Variants in ITIH2 observed in about 807,000 individuals in gnomAD.
ITIH2 encodes inter-alpha-trypsin inhibitor heavy chain 2.
In ITIH2, 103 loss-of-function variants were observed where a neutral mutation model predicts 104.4. The observed-to-expected ratio is 0.99, with a 90% CI of 0.84 to 1.16. The LOEUF is 1.16. Among genes scored for constraint, ITIH2 ranks in the 50% most tolerant of loss-of-function variants. The probability of loss-of-function intolerance (pLI) is 0.00; values close to 1 mark genes in which losing one functional copy is unlikely to be tolerated. For missense variants in ITIH2, 1,108 were observed against 1,162.4 expected, an observed-to-expected ratio of 0.95 and a Z score of 0.68; for synonymous variants, 436 against 435.4, an observed-to-expected ratio of 1.00 and a Z score of -0.02.
intron 14 of ITIH2, 85 bp downstream of exon 14, chr10:7,732,562 T>A: frequency 6.8e-7 from 1 of 1,461,090 alleles, no homozygotes; most frequent in Non-Finnish European, 9.4e-7. Flanking sequence ...ACAAAAAGAG[T>A]TTGGAAGCAA....
intron 5 of ITIH2, among the ~76,000 whole-genome samples, chr10:7,714,732 AAG>A (rs1227905939): frequency 5.3e-5 from 8 of 152,132 alleles, no homozygotes; most frequent in Admixed American, 3.9e-4. Context: ...GCTAATACGG[AAG>A]AGAGGGTACA....
At chr10:7,719,162 T>G (rs549102866) in intron 6 of ITIH2, among the ~76,000 whole-genome samples, 9 of 152,348 alleles carry the variant, frequency 5.9e-5, no homozygotes, top group African/African-American at 2.2e-4. Context: ...GATGAAACTT[T>G]AATTCCCATT....
chr10:7,703,471 C>A lies in ITIH2; in HGVS notation c.37C>A (p.Leu13Ile). ...CACGTGCTTTTTCATCTGCTTCTTTCTTTCTGAAGTATCAGGCTTCGAAAT... is the reference window on the plus strand; with the variant it reads ...CACGTGCTTTTTCATCTGCTTCTTTATTTCTGAAGTATCAGGCTTCGAAAT... ...RLTCFFICFF[L>I]SEVSGFEIPI... The change falls in exon 1 of 21, where the codon CTT becomes ATT. Residue 13 changes from leucine (L) to isoleucine (I), a missense_variant. Leu to Ile is a conservative substitution (Grantham distance 5, BLOSUM62 2). Transcript: ENST00000358415. 6.2e-7 allele frequency: 1 copy of A among 1,614,034 alleles called. No homozygotes were observed. Among genetic ancestry groups the A allele is most frequent in the Non-Finnish European group, 8.5e-7 (1 of 1,179,894 alleles).
intron 16 of ITIH2, 85 bp downstream of exon 16, chr10:7,738,843 C>CG: frequency 1.5e-6 from 2 of 1,359,038 alleles, no homozygotes; most frequent in South Asian, 3.2e-5. Flanking sequence ...CCAGGTGCAG[C>CG]GGCTCACGCC....
chr10:7,717,408 T>A (rs1401397000), intron 5 of ITIH2, among the ~76,000 whole-genome samples: 1 of 152,220 alleles, frequency 6.6e-6, no homozygotes, highest in Non-Finnish European at 1.5e-5. Context: ...TAAGAAGCTC[T>A]GGGAGCTGGA....
At chr10:7,714,840 A>G (rs1191166914) in intron 5 of ITIH2, among the ~76,000 whole-genome samples, 2 of 152,196 alleles carry the variant, frequency 1.3e-5, no homozygotes, top group African/African-American at 4.8e-5. Context: ...GCTGAGCCCA[A>G]GTAGATTACA....
chr10:7,719,124 G>T (rs111956865), intron 6 of ITIH2, among the ~76,000 whole-genome samples: 1 of 152,280 alleles, frequency 6.6e-6, no homozygotes, highest in South Asian at 2.1e-4. Flanking sequence ...CCGGAGACAC[G>T]GGAGATGAAA....
In ITIH2 at chr10:7,744,199, G is replaced by T; in HGVS notation, c.2327G>T (p.Ser776Ile). Residue 776 changes from serine (S) to isoleucine (I), a missense_variant, in exon 18 of 21, where the codon AGC becomes ATC. Transcript: ENST00000358415. ...FQSEDIKIEI[S>I]TETITLSHGS... ...AGTGAAGACATAAAAATAGAAATCAGCACTGAGACCATCACCCTGAGCCAT... is the reference window on the plus strand; with the variant it reads ...AGTGAAGACATAAAAATAGAAATCATCACTGAGACCATCACCCTGAGCCAT... 1 of 1,614,046 alleles carries T rather than the reference G, an allele frequency of 6.2e-7. No individual in the cohort carries two copies.
Position 7,734,951 on chromosome 10 carries a change from G to T in ITIH2, c.1817G>T (p.Arg606Ile). ...RSLAPTAAAK[R>I]RITRSILQMS... The stretch of plus-strand genomic sequence containing the variant: ...CTGGCTCCTACAGCTGCCGCCAAGA[G>T]AAGAATTACAAGATCGATCCTGCAG... The change falls in exon 15 of 21, where the codon AGA becomes ATA. Residue 606 changes from arginine to isoleucine, a missense_variant. By Grantham distance (97) the Arg-to-Ile change is moderately conservative. Coordinates refer to ENST00000358415, the MANE Select transcript of ITIH2 (RefSeq NM_002216.3). 1 of 1,613,408 alleles carries T rather than the reference G, an allele frequency of 6.2e-7. No homozygotes were observed.
At chr10:7,727,905 A>T (rs567805384) in intron 11 of ITIH2, 77 bp downstream of exon 11, 1 of 1,510,572 alleles carries the variant, frequency 6.6e-7, no homozygotes, top group South Asian at 1.2e-5. Context: ...CTAAAAGGGG[A>T]ACTCTAATGG....
rs1236559493 is a variant in ITIH2, at chr10:7,717,747, A to C, written c.589A>C (p.Arg197=). 1.2e-6 allele frequency: 2 copies of C among 1,612,534 alleles called. No individual in the cohort carries two copies. The highest frequency in any genetic ancestry group is 3.3e-5 in the Admixed American group (2 of 59,992). Residue 197 remains arginine, a synonymous_variant, in exon 6 of 21, where the codon AGG becomes CGG. Transcript: ENST00000358415. ...GAGGAAGCTGGGCTCCTATGAGCAC[A>C]GGATCTATCTGCAACCTGGACGGCT... ...KWRKLGSYEH[R]IYLQPGRLAK...
chr10:7,747,657 T>C (rs1460792054), intron 20 of ITIH2, among the ~76,000 whole-genome samples: 2 of 152,108 alleles, frequency 1.3e-5, no homozygotes, highest in Non-Finnish European at 2.9e-5. Context: ...GAGGCCAATG[T>C]GGGAGGATCA....
chr10:7,735,094 C>T lies in ITIH2; in HGVS notation c.1957+3C>T. 1 of 1,602,026 alleles carries T rather than the reference C, an allele frequency of 6.2e-7. No homozygotes were observed. The highest frequency in any genetic ancestry group is 8.5e-7 in the Non-Finnish European group (1 of 1,177,420). On this transcript the variant is annotated splice_donor_region_variant and intron_variant, in intron 15 of 20. Transcript: ENST00000358415. Reference sequence around the variant, plus strand: ...GCAGGATCCCTCCTGCTGCTCAGGTCAGGGCTGCACCTGTGGGGACAAGTG... The same window carrying T: ...GCAGGATCCCTCCTGCTGCTCAGGTTAGGGCTGCACCTGTGGGGACAAGTG...
chr10:7,705,186 T>C lies in ITIH2; in HGVS notation c.159+4T>C. On this transcript the variant is annotated splice_donor_region_variant and intron_variant, in intron 2 of 20. Transcript: ENST00000358415. ...GGCAGAGAACCGGAGATATCAGGTA[T>C]AGTAAGGTTTACTCCCAAAAGGGGG... 1 of 1,599,562 alleles carries C rather than the reference T, an allele frequency of 6.3e-7. No homozygotes were observed. The highest frequency in any genetic ancestry group is 1.1e-5 in the South Asian group (1 of 90,098).
At chr10:7,719,075 C>T (rs573742870) in intron 6 of ITIH2, among the ~76,000 whole-genome samples, 15 of 152,294 alleles carry the variant, frequency 9.8e-5, no homozygotes, top group African/African-American at 2.6e-4. Flanking sequence ...GCCCCTCCCC[C>T]GGCAGATGGG....
intron 15 of ITIH2, among the ~76,000 whole-genome samples, chr10:7,738,199 AAAT>A (rs1250017288): frequency 1.3e-4 from 9 of 67,314 alleles, no homozygotes; most frequent in African/African-American, 4.7e-4. Context: ...ATATTCTATA[AAAT>A]ATTATATATT....
Position 7,749,415 on chromosome 10 carries a change from A to C in ITIH2, c.*81A>C. The C allele has an allele frequency of 8.0e-7, 1 of 1,246,650 alleles. No individual in the cohort carries two copies. Among genetic ancestry groups the C allele is most frequent in the Non-Finnish European group, 1.1e-6 (1 of 888,294 alleles). The allele number at this position is 1,246,650 out of a possible 1,614,324, so 77.2% of individuals were successfully genotyped here. On this transcript the variant is annotated 3_prime_UTR_variant, in exon 21 of 21. Transcript: ENST00000358415. Reference sequence around the variant, plus strand: ...TTGCAGATATTCTTCGGTTTGAATAATTAAAATGAACCAGATATCAGGGTG... The same window carrying C: ...TTGCAGATATTCTTCGGTTTGAATACTTAAAATGAACCAGATATCAGGGTG...
At position 7,727,007 on chromosome 10, in the gene ITIH2, GTGAT is replaced by G. The variant is rs1834957034; in HGVS notation, c.1048_1051del (p.Asp350SerfsTer12). ...CCTCAGAGCAGAAGACCATTTCTCT[GTGAT>G]TGATTTCAACCAGAACATTCGAACT... On this transcript the variant is annotated frameshift_variant, in exon 10 of 21. Coordinates refer to ENST00000358415, the MANE Select transcript of ITIH2 (RefSeq NM_002216.3). LOFTEE classifies it high-confidence loss of function. 2 of 1,613,890 alleles carry G rather than the reference GTGAT, an allele frequency of 1.2e-6. No homozygotes were observed. The highest frequency in any genetic ancestry group is 1.3e-5 in the African/African-American group (1 of 74,916).
At position 7,734,960 on chromosome 10, in the gene ITIH2, C is replaced by T; in HGVS notation, c.1826C>T (p.Thr609Ile). The change falls in exon 15 of 21, where the codon ACA becomes ATA. Residue 609 changes from threonine (T) to isoleucine (I), a missense_variant. By Grantham distance (89) the Thr-to-Ile change is moderately conservative. Transcript: ENST00000358415. ...ACAGCTGCCGCCAAGAGAAGAATTA[C>T]AAGATCGATCCTGCAGATGTCTCTA... ...APTAAAKRRI[T>I]RSILQMSLDH... 1 of 1,613,668 alleles carries T rather than the reference C, an allele frequency of 6.2e-7. No individual in the cohort carries two copies. The highest frequency in any genetic ancestry group is 8.5e-7 in the Non-Finnish European group (1 of 1,179,966).
Sources: allele counts gnomAD v4.1 joint callset (sites outside exome capture counted in the v4.1 genomes callset), GRCh38; gene constraint gnomAD v4.1.1; transcripts MANE v1.5; gene names NCBI Gene and HGNC (gene_info 2026-07-23, HGNC 2026-07-21).